Variants in DPP10 observed in about 807,000 individuals in gnomAD.
The protein encoded by DPP10 is inactive dipeptidyl peptidase 10.
DPP10 carries 33 observed loss-of-function variants against 120.9 expected under a neutral mutation model. That is an observed-to-expected ratio of 0.27 (90% confidence interval 0.21 to 0.37). The LOEUF is 0.37. DPP10 is among the 10% of genes least tolerant of loss of function. DPP10 has a pLI of 1.00. For missense variants in DPP10, 816 were observed against 942.8 expected, an observed-to-expected ratio of 0.87 and a Z score of 1.76; for synonymous variants, 337 against 326.1, an observed-to-expected ratio of 1.03 and a Z score of -0.36.
intron 1 of DPP10, among the ~76,000 whole-genome samples, chr2:114,860,682 G>C (rs956599156): frequency 6.6e-6 from 1 of 152,168 alleles, no homozygotes; most frequent in African/African-American, 2.4e-5. Context: ...ATGAGACAGA[G>C]AAGATAGCCT....
intron 21 of DPP10, among the ~76,000 whole-genome samples, chr2:115,830,542 G>A (rs190748356): frequency 3.0e-4 from 46 of 152,134 alleles, no homozygotes; most frequent in African/African-American, 1.0e-3. Context: ...GAAATACAGT[G>A]GTCAAAGAGT....
At chr2:115,279,943 G>C (rs1248436361) in intron 1 of DPP10, among the ~76,000 whole-genome samples, 1 of 151,814 alleles carries the variant, frequency 6.6e-6, no homozygotes. Context: ...CATTTTTCTA[G>C]AATATTGACA....
chr2:114,701,809 A>G (rs1377610831), intron 1 of DPP10, among the ~76,000 whole-genome samples: 2 of 152,152 alleles, frequency 1.3e-5, no homozygotes, highest in African/African-American at 4.8e-5. Context: ...CACTGTCAAG[A>G]TGGTAAAATC....
intron 1 of DPP10, among the ~76,000 whole-genome samples, chr2:114,467,950 G>T (rs1458206447): frequency 6.6e-6 from 1 of 152,178 alleles, no homozygotes; most frequent in African/African-American, 2.4e-5. Flanking sequence ...GCCCGGGAAG[G>T]TTGAGGTAGC....
At chr2:115,650,728 C>A (rs2087693749) in intron 5 of DPP10, among the ~76,000 whole-genome samples, 1 of 152,006 alleles carries the variant, frequency 6.6e-6, no homozygotes, top group Non-Finnish European at 1.5e-5. Context: ...ATATTCAACA[C>A]ACTCCCTGCT....
intron 1 of DPP10, among the ~76,000 whole-genome samples, chr2:114,826,250 A>G (rs1022733299): frequency 6.6e-5 from 10 of 152,200 alleles, no homozygotes; most frequent in African/African-American, 2.4e-4. Flanking sequence ...ATAATTATAT[A>G]TAATGGGAAC....
At chr2:115,724,801 T>C (rs907506156) in intron 7 of DPP10, among the ~76,000 whole-genome samples, 1 of 152,194 alleles carries the variant, frequency 6.6e-6, no homozygotes, top group Non-Finnish European at 1.5e-5. Flanking sequence ...TCTGCTCGGC[T>C]TCTGGGAAGG....
intron 1 of DPP10, among the ~76,000 whole-genome samples, chr2:114,657,941 A>G (rs1001931862): frequency 5.9e-5 from 9 of 152,190 alleles, no homozygotes; most frequent in Admixed American, 5.9e-4. Flanking sequence ...AGTCCAACCT[A>G]CGCATGTGTA....
intron 1 of DPP10, among the ~76,000 whole-genome samples, chr2:115,035,125 G>A (rs1377612391): frequency 1.3e-5 from 2 of 152,170 alleles, no homozygotes; most frequent in African/African-American, 2.4e-5. Flanking sequence ...ACCATGCCCC[G>A]ACATATTATA....
chr2:115,719,102 G>A (rs537709356), intron 7 of DPP10, among the ~76,000 whole-genome samples: 7 of 152,072 alleles, frequency 4.6e-5, no homozygotes, highest in Middle Eastern at 3.2e-3. Context: ...TTTATGAACT[G>A]ACATAGCCAA....
At chr2:115,504,719 T>C (rs1318945612) in intron 4 of DPP10, among the ~76,000 whole-genome samples, 2 of 152,142 alleles carry the variant, frequency 1.3e-5, no homozygotes, top group Non-Finnish European at 2.9e-5. Context: ...GAAGGAAACA[T>C]TGAATCTACC....
At chr2:114,870,316 A>G (rs1690583430) in intron 1 of DPP10, among the ~76,000 whole-genome samples, 1 of 152,174 alleles carries the variant, frequency 6.6e-6, no homozygotes, top group South Asian at 2.1e-4. Context: ...AAATGGTGTA[A>G]TGCATATAAA....
chr2:115,077,724 C>T (rs941377410), intron 1 of DPP10, among the ~76,000 whole-genome samples: 1 of 152,192 alleles, frequency 6.6e-6, no homozygotes, highest in Non-Finnish European at 1.5e-5. Context: ...AACACGTGGG[C>T]CTGTTGCCCT....
chr2:114,734,943 T>G (rs567564169), intron 1 of DPP10, among the ~76,000 whole-genome samples: 1 of 152,290 alleles, frequency 6.6e-6, no homozygotes, highest in South Asian at 2.1e-4. Flanking sequence ...TTCTGAGGCC[T>G]CTCTCCTTAG....
intron 1 of DPP10, among the ~76,000 whole-genome samples, chr2:114,495,683 C>T (rs776119349): frequency 6.6e-6 from 1 of 152,098 alleles, no homozygotes; most frequent in Non-Finnish European, 1.5e-5. Context: ...CATTGGATGT[C>T]AACAGTGATA....
At chr2:115,632,455 G>T (rs1377442534) in intron 5 of DPP10, among the ~76,000 whole-genome samples, 1 of 152,100 alleles carries the variant, frequency 6.6e-6, no homozygotes, top group African/African-American at 2.4e-5. Flanking sequence ...TTGTTCTTCA[G>T]TGTGTTTTTG....
At chr2:115,239,766 C>T (rs11123290) in intron 1 of DPP10, among the ~76,000 whole-genome samples, 65,721 of 151,732 alleles carry the variant, frequency 0.43, 15,196 homozygotes, top group Non-Finnish European at 0.53. Flanking sequence ...CCCCACCCTC[C>T]GACAGGCCCC....
intron 5 of DPP10, among the ~76,000 whole-genome samples, chr2:115,650,842 A>G (rs1050221338): frequency 6.6e-6 from 1 of 151,970 alleles, no homozygotes; most frequent in African/African-American, 2.4e-5. Flanking sequence ...AGGGATGAAA[A>G]GAGGAGGCCC....
intron 5 of DPP10, among the ~76,000 whole-genome samples, chr2:115,542,872 T>C (rs1489410854): frequency 1.3e-5 from 2 of 151,930 alleles, no homozygotes; most frequent in African/African-American, 2.4e-5. Flanking sequence ...CCTACGTGTG[T>C]AGCAAAATGA....
Sources: gnomAD v4.1 joint callset for allele counts (sites outside exome capture counted in the v4.1 genomes callset) on GRCh38, gnomAD v4.1.1 for gene constraint, MANE v1.5 for transcripts, NCBI Gene and HGNC (gene_info 2026-07-23, HGNC 2026-07-21) for gene names.